Variants in CSGALNACT1 observed in about 807,000 individuals in gnomAD.
CSGALNACT1 encodes the protein chondroitin sulfate N-acetylgalactosaminyltransferase 1.
A neutral mutation model predicts 51.0 loss-of-function variants in CSGALNACT1; 52 were observed. The ratio of observed to expected loss-of-function variants is 1.02; its 90% CI spans 0.82 to 1.29. The LOEUF is 1.29. Among genes scored for constraint, CSGALNACT1 ranks in the 50% most tolerant of loss-of-function variants. The pLI is 0.00. For synonymous variants in CSGALNACT1, 341 were observed against 254.4 expected (o/e 1.34, Z -3.24); for missense variants, 935 against 679.2 (o/e 1.38, Z -4.19).
intron 1 of CSGALNACT1, among the ~76,000 whole-genome samples, chr8:19,732,190 A>C (rs921711257): frequency 1.3e-5 from 2 of 152,240 alleles, no homozygotes; most frequent in Admixed American, 6.5e-5. Context: ...ATAAACTAGC[A>C]TAACGGTTGT....
At chr8:19,684,238 G>T (rs1434399260), upstream of CSGALNACT1, among the ~76,000 whole-genome samples, 1 of 152,076 alleles carries the variant, frequency 6.6e-6, no homozygotes, top group African/African-American at 2.4e-5. Flanking sequence ...CAATGCAAGA[G>T]AACAGAAAAT....
chr8:19,666,787 GAA>G (rs1475941371), intron 1 of CSGALNACT1, among the ~76,000 whole-genome samples: 49 of 20,728 alleles, frequency 2.4e-3, no homozygotes, highest in South Asian at 7.8e-3. Context: ...AAGAAAGAAA[GAA>G]AGAAAGAAAG....
chr8:19,524,076 T>G (rs1209623054), intron 3 of CSGALNACT1, among the ~76,000 whole-genome samples: 1 of 152,172 alleles, frequency 6.6e-6, no homozygotes. Context: ...GGGGGATCAC[T>G]TAAGGCCAGG....
chr8:19,411,617 T>G (rs1308260225), intron 8 of CSGALNACT1, among the ~76,000 whole-genome samples: 3 of 152,174 alleles, frequency 2.0e-5, no homozygotes, highest in Non-Finnish European at 4.4e-5. Flanking sequence ...TGTTTTCACC[T>G]CCCTGGGGTC....
chr8:19,469,753 A>T (rs984088819), intron 4 of CSGALNACT1, among the ~76,000 whole-genome samples: 2 of 151,812 alleles, frequency 1.3e-5, no homozygotes, highest in African/African-American at 4.8e-5. Context: ...TCCCACAGAC[A>T]CTCTCTGTTA....
intron 5 of CSGALNACT1, among the ~76,000 whole-genome samples, chr8:19,456,130 A>G (rs2064036990): frequency 1.3e-5 from 2 of 152,174 alleles, no homozygotes; most frequent in South Asian, 4.1e-4. Flanking sequence ...TCATTTGACT[A>G]TTCTCAATGA....
intron 3 of CSGALNACT1, among the ~76,000 whole-genome samples, chr8:19,513,404 T>TTC (rs146482632): frequency 0.017 from 1,621 of 94,554 alleles, 73 homozygotes; most frequent in Non-Finnish European, 0.026. Context: ...TCATAGAATT[T>TTC]TCTCTCTCTC....
Position 19,448,930 on chromosome 8 carries a change from G to A in CSGALNACT1, c.852-8999C>T, listed in dbSNP as rs970359218. 6.6e-4 allele frequency among the ~76,000 whole-genome samples: 101 copies of A among 152,180 alleles called. 2 individuals are homozygous for A. Among genetic ancestry groups the A allele is most frequent in the Non-Finnish European group, 1.6e-4 (11 of 68,038 alleles). On this transcript the variant is annotated intron_variant, in intron 5 of 9. Transcript: ENST00000454498. Reference sequence around the variant, plus strand: ...AAAGGAACTGGAAATAAGGAACAGAGTTAGTGGGGCTAAGTAAAACCTGGC... The same window carrying A: ...AAAGGAACTGGAAATAAGGAACAGAATTAGTGGGGCTAAGTAAAACCTGGC...
intron 6 of CSGALNACT1, among the ~76,000 whole-genome samples, chr8:19,422,411 G>A (rs2058090974): frequency 6.6e-6 from 1 of 152,026 alleles, no homozygotes; most frequent in African/African-American, 2.4e-5. Context: ...CCCAACTCTT[G>A]GCTTCATGCG....
intron 4 of CSGALNACT1, among the ~76,000 whole-genome samples, chr8:19,495,991 G>A (rs1049725446): frequency 1.3e-5 from 2 of 152,280 alleles, no homozygotes; most frequent in Admixed American, 6.5e-5. Context: ...GGGGTTCTAG[G>A]CTGACTAAGG....
At chr8:19,738,150 C>G (rs1187196876) in intron 1 of CSGALNACT1, among the ~76,000 whole-genome samples, 2 of 152,112 alleles carry the variant, frequency 1.3e-5, no homozygotes, top group Admixed American at 1.3e-4. Context: ...TCACTTGAGC[C>G]CAAGAATTCG....
chr8:19,587,230 G>C (rs890617438), intron 3 of CSGALNACT1, among the ~76,000 whole-genome samples: 1 of 152,164 alleles, frequency 6.6e-6, no homozygotes, highest in African/African-American at 2.4e-5. Context: ...CACAGAATCA[G>C]AAACTCTGGG....
upstream of CSGALNACT1, among the ~76,000 whole-genome samples, chr8:19,685,101 T>G (rs1466984652): frequency 6.6e-6 from 1 of 152,166 alleles, no homozygotes; most frequent in Non-Finnish European, 1.5e-5. Context: ...TGGGAAAGCA[T>G]GAGGAGATCA....
At chr8:19,404,569 C>A (rs1405742738) in exon 10 of CSGALNACT1, 3 of 452,384 alleles carry the variant, frequency 6.6e-6, no homozygotes, top group Non-Finnish European at 1.3e-5. Context: ...CAAAAACTTC[C>A]ATCCCACTAG....
intron 3 of CSGALNACT1, among the ~76,000 whole-genome samples, chr8:19,576,047 C>T (rs1206162031): frequency 1.3e-5 from 2 of 152,032 alleles, no homozygotes; most frequent in African/African-American, 4.8e-5. Context: ...GTAGGTGGGC[C>T]GAGAGACGGG....
chr8:19,527,598 A>T (rs1292040757), intron 3 of CSGALNACT1, among the ~76,000 whole-genome samples: 1 of 152,192 alleles, frequency 6.6e-6, no homozygotes, highest in African/African-American at 2.4e-5. Context: ...TGACAAAGTG[A>T]GACTCCATGT....
intron 1 of CSGALNACT1, among the ~76,000 whole-genome samples, chr8:19,667,590 T>C (rs2059482086): frequency 6.6e-6 from 1 of 152,326 alleles, no homozygotes; most frequent in Non-Finnish European, 1.5e-5. Flanking sequence ...TGATGAATTA[T>C]GAACAAGTCA....
intron 3 of CSGALNACT1, among the ~76,000 whole-genome samples, chr8:19,583,478 C>G (rs1209795005): frequency 6.6e-6 from 1 of 152,058 alleles, no homozygotes; most frequent in Admixed American, 6.6e-5. Flanking sequence ...AAATTATGGC[C>G]TATATATAGT....
At chr8:19,632,600 C>T (rs2055428986) in intron 1 of CSGALNACT1, among the ~76,000 whole-genome samples, 1 of 152,250 alleles carries the variant, frequency 6.6e-6, no homozygotes, top group African/African-American at 2.4e-5. Context: ...ACAGCGATCA[C>T]TGCAGCCATC....
Sources: gnomAD v4.1 joint callset for allele counts (sites outside exome capture counted in the v4.1 genomes callset) on GRCh38, gnomAD v4.1.1 for gene constraint, MANE v1.5 for transcripts, NCBI Gene and HGNC (gene_info 2026-07-23, HGNC 2026-07-21) for gene names.